DST: variants seen among roughly 807,000 people sequenced by gnomAD.
The protein encoded by DST is bullous pemphigoid antigen.
In DST, 253 loss-of-function variants were observed where a neutral mutation model predicts 875.2. The ratio of observed to expected loss-of-function variants is 0.29; its 90% CI spans 0.26 to 0.32. The LOEUF (loss-of-function observed/expected upper bound fraction) is 0.32, where lower values mean the gene tolerates loss of function less well. DST is among the 10% of genes least tolerant of loss of function. The probability of loss-of-function intolerance (pLI) is 1.00; values close to 1 mark genes in which losing one functional copy is unlikely to be tolerated. For missense variants in DST, 8,287 were observed against 9,111.6 expected (o/e 0.91, Z 3.68); for synonymous variants, 3,124 against 3,197.1 (o/e 0.98, Z 0.77).
chr6:56,738,508 G>A (rs1474088322), intron 4 of DST, among the ~76,000 whole-genome samples: 1 of 152,066 alleles, frequency 6.6e-6, no homozygotes, highest in Non-Finnish European at 1.5e-5. Context: ...TTTTAGTACA[G>A]ATGGGGTTTC....
In DST at chr6:56,485,401, A is replaced by C; in HGVS notation, c.21118T>G (p.Trp7040Gly). The change falls in exon 88 of 104, where the codon TGG becomes GGG. Residue 7040 changes from tryptophan to glycine, a missense_variant. By Grantham distance (184) the Trp-to-Gly change is radical. Transcript: ENST00000680361. Reference protein sequence around the residue: ...FTDALQALIDWLYRVEPQLAE... With the variant: ...FTDALQALIDGLYRVEPQLAE... ...AGCTGGGGTTCAACTCTATATAACCAATCAATGAGAGCCTGTAGGGCATCT... is the reference window on the plus strand; with the variant it reads ...AGCTGGGGTTCAACTCTATATAACCCATCAATGAGAGCCTGTAGGGCATCT... The C allele has an allele frequency of 6.2e-7, 1 of 1,613,988 alleles. No individual in the cohort carries two copies. The highest frequency in any genetic ancestry group is 1.3e-5 in the African/African-American group (1 of 75,068).
intron 103 of DST, among the ~76,000 whole-genome samples, chr6:56,459,711 G>C (rs1202420181): frequency 6.6e-6 from 1 of 152,146 alleles, no homozygotes; most frequent in Non-Finnish European, 1.5e-5. Context: ...CTTTAAAGAG[G>C]CTTCTTGCTT....
intron 2 of DST, among the ~76,000 whole-genome samples, chr6:56,948,865 T>C (rs556430006): frequency 1.3e-5 from 2 of 152,358 alleles, no homozygotes; most frequent in South Asian, 4.1e-4. Flanking sequence ...ATGGTGCCTC[T>C]ACAGCATGAC....
intron 2 of DST, among the ~76,000 whole-genome samples, chr6:56,916,778 T>TCTCTCTCTCTCACACA (rs1470233953): frequency 1.1e-4 from 10 of 91,344 alleles, no homozygotes; most frequent in African/African-American, 5.1e-4. Flanking sequence ...TCTCTCTCTC[T>TCTCTCTCTCTCACACA]CACACACACA....
At chr6:56,633,889 T>C (rs2098804830) in intron 27 of DST, among the ~76,000 whole-genome samples, 1 of 152,200 alleles carries the variant, frequency 6.6e-6, no homozygotes, top group Non-Finnish European at 1.5e-5. Flanking sequence ...ATCCAACAAC[T>C]ACATTCTGCC....
intron 36 of DST, chr6:56,619,526 T>A (rs1311413496): frequency 6.2e-7 from 1 of 1,612,870 alleles, no homozygotes; most frequent in African/African-American, 1.3e-5. Context: ...TGAATTTAAA[T>A]GCTGAATATT....
At chr6:56,482,441 C>G (rs1332187821) in intron 89 of DST, 1 of 530,320 alleles carries the variant, frequency 1.9e-6, no homozygotes, top group East Asian at 3.2e-5. Context: ...CATCATACTT[C>G]CAAGCTGAGA....
At chr6:56,813,039 G>A (rs1590987762) in intron 4 of DST, among the ~76,000 whole-genome samples, 1 of 152,072 alleles carries the variant, frequency 6.6e-6, no homozygotes, top group African/African-American at 2.4e-5. Context: ...ATACACCATG[G>A]AATACTATGC....
intron 3 of DST, among the ~76,000 whole-genome samples, chr6:56,879,711 A>G (rs1326715252): frequency 6.6e-6 from 1 of 152,226 alleles, no homozygotes; most frequent in African/African-American, 2.4e-5. Context: ...CTATAAATAG[A>G]TTAATCCACA....
At chr6:56,619,154 C>T (rs2098661055) in intron 36 of DST, 1 of 1,614,002 alleles carries the variant, frequency 6.2e-7, no homozygotes, top group South Asian at 1.1e-5. Context: ...TTCATTTGTG[C>T]TGCGTAGCTG....
intron 49 of DST, among the ~76,000 whole-genome samples, chr6:56,582,095 T>C (rs1415557413): frequency 1.3e-5 from 2 of 152,300 alleles, no homozygotes; most frequent in African/African-American, 4.8e-5. Context: ...TCTTGGATTG[T>C]TGAAAAAAGA....
intron 75 of DST, among the ~76,000 whole-genome samples, chr6:56,508,224 G>A (rs552929312): frequency 1.3e-5 from 2 of 152,106 alleles, no homozygotes; most frequent in Non-Finnish European, 2.9e-5. Flanking sequence ...AGTAGAGACA[G>A]GGTTTCGTCA....
At chr6:56,614,981 G>A in intron 36 of DST, 1 of 993,320 alleles carries the variant, frequency 1.0e-6, no homozygotes, top group Non-Finnish European at 1.2e-6. Flanking sequence ...CTAGAAATGG[G>A]ACATTGTGGT....
intron 47 of DST, 101 bp downstream of exon 47, chr6:56,597,639 T>G (rs1412707461): frequency 7.9e-7 from 1 of 1,269,888 alleles, no homozygotes; most frequent in East Asian, 2.4e-5. Flanking sequence ...AAAAACCTCT[T>G]TTGTCAGTAA....
At chr6:56,650,676 A>G (rs1351625554) in intron 12 of DST, among the ~76,000 whole-genome samples, 1 of 152,264 alleles carries the variant, frequency 6.6e-6, no homozygotes, top group Non-Finnish European at 1.5e-5. Context: ...CCTTTTATTT[A>G]TAAGATGATC....
chr6:56,488,259 A>T (rs1319750315), intron 86 of DST, among the ~76,000 whole-genome samples: 1 of 152,244 alleles, frequency 6.6e-6, no homozygotes, highest in African/African-American at 2.4e-5. Context: ...ACTGTTGCCA[A>T]ATAGAGACTT....
chr6:56,547,494 T>A (rs548282518), intron 61 of DST, among the ~76,000 whole-genome samples: 2 of 152,336 alleles, frequency 1.3e-5, no homozygotes, highest in Non-Finnish European at 2.9e-5. Context: ...GGTAGCTTCA[T>A]TAACAAAAAT....
Position 56,528,920 on chromosome 6 carries a change from C to T in DST, c.17601G>A (p.Leu5867=), listed in dbSNP as rs1301592706. ...LWKQQSELRV[L]QEDILLRKQN... is the part of the protein sequence containing the mutation. The stretch of plus-strand genomic sequence containing the variant: ...GTTTCCTGAGTAAGATGTCCTCTTG[C>T]AGAACCTGAAAACACAGGTACCATT... The change falls in exon 67 of 104, where the codon CTG becomes CTA. Residue 5867 remains leucine (L), a synonymous_variant. Transcript: ENST00000680361. The T allele has an allele frequency of 6.3e-7, 1 of 1,578,926 alleles. No individual in the cohort carries two copies. Among genetic ancestry groups the T allele is most frequent in the East Asian group, 2.3e-5 (1 of 44,042 alleles).
At chr6:56,757,164 A>G (rs2099606173) in intron 4 of DST, among the ~76,000 whole-genome samples, 1 of 152,230 alleles carries the variant, frequency 6.6e-6, no homozygotes, top group Non-Finnish European at 1.5e-5. Flanking sequence ...ACAGTGACAG[A>G]TGGCCCTATT....
Sources: gnomAD v4.1 joint callset for allele counts (sites outside exome capture counted in the v4.1 genomes callset) on GRCh38, gnomAD v4.1.1 for gene constraint, MANE v1.5 for transcripts, NCBI Gene and HGNC (gene_info 2026-07-23, HGNC 2026-07-21) for gene names.